The following YIPF4 variants were observed in gnomAD, a reference collection of about 807,000 sequenced individuals.
YIPF4 encodes Yip1 domain family member 4.
YIPF4 carries 18 observed loss-of-function variants against 29.4 expected under a neutral mutation model. That is an observed-to-expected ratio of 0.61 (90% CI 0.42 to 0.91). YIPF4 has a LOEUF of 0.91. Among genes scored for constraint, YIPF4 ranks in the 40% least tolerant of loss-of-function variants. The pLI is 0.00. For missense variants in YIPF4, 279 were observed against 282.7 expected, an observed-to-expected ratio of 0.99 and a Z score of 0.09; for synonymous variants, 115 against 104.7, an observed-to-expected ratio of 1.10 and a Z score of -0.60.
At chr2:32,302,476 C>G (rs1357506666) in intron 5 of YIPF4, among the ~76,000 whole-genome samples, 3 of 152,120 alleles carry the variant, frequency 2.0e-5, no homozygotes, top group African/African-American at 7.2e-5. Context: ...TAGTAACTTT[C>G]CTATCAAATA....
intron 3 of YIPF4, among the ~76,000 whole-genome samples, chr2:32,296,382 A>G (rs1284604847): frequency 6.6e-6 from 1 of 151,864 alleles, no homozygotes; most frequent in East Asian, 1.9e-4. Flanking sequence ...TGAGGCAGAG[A>G]ATTGCTTGAA....
chr2:32,296,032 G>A (rs1190060665), intron 3 of YIPF4, among the ~76,000 whole-genome samples: 1 of 152,170 alleles, frequency 6.6e-6, no homozygotes, highest in African/African-American at 2.4e-5. Context: ...CACTAGATTA[G>A]TAGTTTATAT....
At chr2:32,282,877 C>T (rs1248555735) in intron 1 of YIPF4, among the ~76,000 whole-genome samples, 1 of 151,870 alleles carries the variant, frequency 6.6e-6, no homozygotes, top group African/African-American at 2.4e-5. Flanking sequence ...GAGATCAAGA[C>T]CATCCTGGCT....
intron 1 of YIPF4, among the ~76,000 whole-genome samples, chr2:32,278,684 G>T (rs1381146714): frequency 6.6e-6 from 1 of 152,114 alleles, no homozygotes. Context: ...ATCAGATTCG[G>T]CACTGCAAAT....
chr2:32,280,748 A>G (rs973501090), intron 1 of YIPF4, among the ~76,000 whole-genome samples: 17 of 152,050 alleles, frequency 1.1e-4, no homozygotes, highest in African/African-American at 4.1e-4. Flanking sequence ...TGGCCTCCCA[A>G]ATTGCTGGGA....
chr2:32,297,333 C>G (rs2031232376), intron 3 of YIPF4, among the ~76,000 whole-genome samples: 1 of 151,984 alleles, frequency 6.6e-6, no homozygotes, highest in Admixed American at 6.6e-5. Flanking sequence ...GTTGGTCAGG[C>G]TGGTCTTGAA....
intron 3 of YIPF4, among the ~76,000 whole-genome samples, chr2:32,297,163 C>T (rs1313166558): frequency 2.0e-5 from 3 of 151,074 alleles, no homozygotes; most frequent in Non-Finnish European, 4.4e-5. Context: ...TCACTCTTGT[C>T]GCTCAGGCTG....
intron 5 of YIPF4, among the ~76,000 whole-genome samples, chr2:32,302,167 A>G (rs1476668630): frequency 2.0e-5 from 3 of 151,216 alleles, no homozygotes; most frequent in Non-Finnish European, 2.9e-5. Context: ...TGTAGCTGGG[A>G]CTACAGGTGC....
rs1051666814 is a variant in YIPF4 at position 32,278,021 on chromosome 2, C to G, written c.-135C>G. ...AGCGGCCCGCTGTGCCCGTTTCTGG[C>G]CTCGCTCGCAGCTTGCACGTCGAGA... On this transcript the variant is annotated 5_prime_UTR_variant, in exon 1 of 6. Transcript: ENST00000238831. 2 of 721,954 alleles carry G rather than the reference C, an allele frequency of 2.8e-6. No individual in the cohort carries two copies. Among genetic ancestry groups the G allele is most frequent in the Non-Finnish European group, 4.4e-6 (2 of 458,234 alleles). 44.7% of individuals were successfully genotyped at this position (721,954 alleles called of 1,614,324 possible).
At position 32,310,394 on chromosome 2, in the gene YIPF4, T is replaced by C. The variant is rs1171360612; in HGVS notation, c.*4768T>C. 1 of 152,100 alleles carries C rather than the reference T, an allele frequency of 6.6e-6. No homozygotes were observed. The highest frequency in any genetic ancestry group is 2.4e-5 in the African/African-American group (1 of 41,416). 9.4% of individuals were successfully genotyped at this position (152,100 alleles called of 1,614,324 possible). ...TGAATTAGAAGTGCTTCATTCCTCA[T>C]TTGTGTACAGCTGTTCCTCTATATA... On this transcript the variant is annotated 3_prime_UTR_variant, in exon 6 of 6. Coordinates refer to ENST00000238831, the MANE Select transcript of YIPF4 (RefSeq NM_032312.4).
intron 1 of YIPF4, among the ~76,000 whole-genome samples, chr2:32,289,935 A>G (rs971602885): frequency 6.6e-6 from 1 of 152,224 alleles, no homozygotes; most frequent in Non-Finnish European, 1.5e-5. Flanking sequence ...TTAAGCATTA[A>G]TATATGAAAC....
chr2:32,279,443 G>C (rs1397010470), intron 1 of YIPF4, among the ~76,000 whole-genome samples: 4 of 131,494 alleles, frequency 3.0e-5, no homozygotes, highest in Non-Finnish European at 6.3e-5. Context: ...TGTCGCCCAG[G>C]CTGGAGTGCA....
intron 4 of YIPF4, among the ~76,000 whole-genome samples, chr2:32,300,266 C>CA (rs966480755): frequency 2.0e-5 from 3 of 148,952 alleles, no homozygotes; most frequent in African/African-American, 7.4e-5. Flanking sequence ...AACTCCGTCT[C>CA]AAAAAAAAGA....
At chr2:32,293,461 A>T (rs1045120815) in intron 3 of YIPF4, among the ~76,000 whole-genome samples, 1 of 152,256 alleles carries the variant, frequency 6.6e-6, no homozygotes, top group Non-Finnish European at 1.5e-5. Flanking sequence ...TTAGTACAGA[A>T]CAAAATGAAG....
rs375351984 is a variant in YIPF4 at position 32,298,291 on chromosome 2, G to A, written c.463G>A (p.Ala155Thr). 3.1e-6 allele frequency: 5 copies of A among 1,607,646 alleles called. No homozygotes were observed. The highest frequency in any genetic ancestry group is 1.7e-4 in the Middle Eastern group (1 of 6,052). Residue 155 changes from alanine to threonine, a missense_variant, in exon 4 of 6, where the codon GCC becomes ACC. Transcript: ENST00000238831. ...TGGTTCACTAACAATTTTCTTACTG[G>A]CCAGAGTTCTTGGTGGAGAAGTAAG... is the stretch of plus-strand genomic sequence containing the variant. Reference protein sequence around the residue: ...IFGSLTIFLLARVLGGEVAYG... With the variant: ...IFGSLTIFLLTRVLGGEVAYG...
At chr2:32,280,007 C>T (rs931445085) in intron 1 of YIPF4, among the ~76,000 whole-genome samples, 2 of 150,400 alleles carry the variant, frequency 1.3e-5, no homozygotes, top group South Asian at 4.2e-4. Context: ...AGTGATCCTC[C>T]CGCTTCAGTC....
At chr2:32,286,333 CT>C (rs1206167707) in intron 1 of YIPF4, among the ~76,000 whole-genome samples, 2 of 152,062 alleles carry the variant, frequency 1.3e-5, no homozygotes, top group Non-Finnish European at 2.9e-5. Flanking sequence ...ATTTTTGTAA[CT>C]TTCTATGAAT....
intron 3 of YIPF4, among the ~76,000 whole-genome samples, chr2:32,292,990 C>G (rs914532809): frequency 4.0e-5 from 6 of 150,654 alleles, no homozygotes; most frequent in Non-Finnish European, 5.9e-5. Context: ...AAGAGATGAA[C>G]AGTTTGAAAT....
chr2:32,310,280 G>A lies in YIPF4; in HGVS notation c.*4654G>A, dbSNP rs1252819485. 1 of 152,100 alleles carries A rather than the reference G, an allele frequency of 6.6e-6. No homozygotes were observed. The highest frequency in any genetic ancestry group is 1.9e-4 in the East Asian group (1 of 5,172). 9.4% of individuals were successfully genotyped at this position (152,100 alleles called of 1,614,324 possible). A position where few individuals can be genotyped will look rare whatever the true frequency, so the allele number is the denominator to read the frequency against. On this transcript the variant is annotated 3_prime_UTR_variant, in exon 6 of 6. Transcript: ENST00000238831. ...GGAGGCCATGGCAGGAGGATTGCTT[G>A]AACCCAGGAGTTGTAGACCAGCCTG... is the stretch of plus-strand genomic sequence containing the variant.
Sources: gnomAD v4.1 joint callset for allele counts (sites outside exome capture counted in the v4.1 genomes callset) on GRCh38, gnomAD v4.1.1 for gene constraint, MANE v1.5 for transcripts, NCBI Gene and HGNC (gene_info 2026-07-23, HGNC 2026-07-21) for gene names.